The following NPAS3 variants were observed in gnomAD, a reference collection of about 807,000 sequenced individuals.
NPAS3 encodes neuronal PAS domain protein 3, also known as neuronal PAS domain-containing protein 3.
In NPAS3, 14 loss-of-function variants were observed where a neutral mutation model predicts 73.1. The observed-to-expected ratio is 0.19, with a 90% CI of 0.13 to 0.30. The LOEUF is 0.30. NPAS3 is among the 10% of genes least tolerant of loss of function. The pLI is 1.00. For missense variants in NPAS3, 1,096 were observed against 1,250.0 expected, an observed-to-expected ratio of 0.88 and a Z score of 1.86; for synonymous variants, 620 against 541.5, an observed-to-expected ratio of 1.14 and a Z score of -2.01.
intron 1 of NPAS3, among the ~76,000 whole-genome samples, chr14:32,954,657 T>C (rs1346318843): frequency 6.6e-6 from 1 of 152,164 alleles, no homozygotes; most frequent in African/African-American, 2.4e-5. Context: ...AATCCCAGTA[T>C]GAGTCTAGCT....
chr14:33,615,980 A>C (rs17101623), intron 5 of NPAS3, among the ~76,000 whole-genome samples: 3,425 of 152,292 alleles, frequency 0.022, 126 homozygotes, highest in African/African-American at 0.077. Context: ...GATGAGCCCA[A>C]TAGAAAGTCC....
chr14:33,117,592 T>C (rs1340819003), intron 2 of NPAS3, among the ~76,000 whole-genome samples: 1 of 152,146 alleles, frequency 6.6e-6, no homozygotes, highest in South Asian at 2.1e-4. Flanking sequence ...AAAATCAAGA[T>C]CCTTTCTGAA....
intron 2 of NPAS3, among the ~76,000 whole-genome samples, chr14:33,095,148 C>T (rs1024904023): frequency 9.2e-5 from 14 of 152,018 alleles, no homozygotes; most frequent in Non-Finnish European, 1.5e-4. Context: ...TTACAGTCCT[C>T]GAGTTTTAAA....
intron 2 of NPAS3, among the ~76,000 whole-genome samples, chr14:33,148,592 GT>G (rs1269336638): frequency 6.6e-6 from 1 of 152,158 alleles, no homozygotes; most frequent in African/African-American, 2.4e-5. Context: ...AGTAAAATAT[GT>G]TTTTAAAATT....
chr14:33,367,638 G>A (rs1234158578), intron 4 of NPAS3, among the ~76,000 whole-genome samples: 5 of 150,188 alleles, frequency 3.3e-5, no homozygotes, highest in African/African-American at 1.2e-4. Flanking sequence ...GCAAAGTTTT[G>A]TTGTGAAAGT....
chr14:33,163,361 A>AGT, intron 2 of NPAS3, among the ~76,000 whole-genome samples: 1 of 152,240 alleles, frequency 6.6e-6, no homozygotes, highest in East Asian at 1.9e-4. Flanking sequence ...CATGTAAGAT[A>AGT]GCAGAGGTAA....
intron 1 of NPAS3, among the ~76,000 whole-genome samples, chr14:33,004,817 C>CTTTTTTTTTTGTTT (rs2038933508): frequency 1.6e-5 from 1 of 63,998 alleles, no homozygotes; most frequent in Non-Finnish European, 3.5e-5. Context: ...AAAAGTTTTC[C>CTTTTTTTTTTGTTT]TTTTTTTTTT....
intron 3 of NPAS3, among the ~76,000 whole-genome samples, chr14:33,296,225 A>G (rs1242417038): frequency 2.0e-5 from 3 of 152,216 alleles, no homozygotes; most frequent in Admixed American, 6.5e-5. Flanking sequence ...TTTAATTCCT[A>G]TAAGATACTT....
chr14:33,468,535 A>C (rs1489226093), intron 4 of NPAS3, among the ~76,000 whole-genome samples: 1 of 152,208 alleles, frequency 6.6e-6, no homozygotes, highest in Non-Finnish European at 1.5e-5. Flanking sequence ...TCTCTATAAG[A>C]ATCAATCTCA....
chr14:33,157,541 TTAG>T (rs2044691827), intron 2 of NPAS3, among the ~76,000 whole-genome samples: 1 of 152,184 alleles, frequency 6.6e-6, no homozygotes, highest in Admixed American at 6.5e-5. Context: ...ACATTTCCCT[TTAG>T]TAGTATAAAT....
At position 33,738,070 on chromosome 14, in the gene NPAS3, G is replaced by T. The variant is rs58873852; in HGVS notation, c.852+2738G>T. On this transcript the variant is annotated intron_variant, in intron 7 of 11. Transcript: ENST00000356141. ...AAGTACCACTTACTGAACATTGACT[G>T]CGTGGCAGCCACTGTGCCACATGCT... Among the ~76,000 whole-genome samples, 455 of 152,162 alleles carry T rather than the reference G, an allele frequency of 3.0e-3. 4 individuals are homozygous for T. The highest frequency in any genetic ancestry group is 0.01 in the African/African-American group (431 of 41,506).
rs145074925 is a variant in NPAS3, at chr14:33,724,350, A to G, written c.734-10864A>G. Among the ~76,000 whole-genome samples the G allele has an allele frequency of 1.6e-3, 240 of 152,272 alleles. 2 individuals carry two copies. Among genetic ancestry groups the G allele is most frequent in the African/African-American group, 5.3e-3 (220 of 41,576 alleles). ...ATCCTCAATAGAAATAAAAATGCCA[A>G]TTGCCAGGTGCAGCAGCTCATGTCT... On this transcript the variant is annotated intron_variant, in intron 6 of 11. Transcript: ENST00000356141.
chr14:33,402,742 C>A (rs960842908), intron 4 of NPAS3, among the ~76,000 whole-genome samples: 1 of 152,156 alleles, frequency 6.6e-6, no homozygotes, highest in Non-Finnish European at 1.5e-5. Context: ...TGCTTTCCCT[C>A]AATGGGAATT....
intron 3 of NPAS3, among the ~76,000 whole-genome samples, chr14:33,305,861 AACTT>A (rs1453973506): frequency 6.6e-6 from 1 of 152,154 alleles, no homozygotes; most frequent in Non-Finnish European, 1.5e-5. Flanking sequence ...TTTTAAAGAA[AACTT>A]TTACCACTTC....
chr14:33,743,917 T>A lies in NPAS3; in HGVS notation c.852+8585T>A, dbSNP rs1159057633. Among the ~76,000 whole-genome samples, 3 of 152,226 alleles carry A rather than the reference T, an allele frequency of 2.0e-5. No individual in the cohort carries two copies. The East Asian group carries it at 5.8e-4, about 29-fold the overall frequency. On this transcript the variant is annotated intron_variant, in intron 7 of 11. Transcript: ENST00000356141. ...CTGTTTCTTCTGCAACTTCTTCATATCTCTCAGCCTTCATAGAATTGAAGA... is the reference window on the plus strand; with the variant it reads ...CTGTTTCTTCTGCAACTTCTTCATAACTCTCAGCCTTCATAGAATTGAAGA...
Position 33,473,778 on chromosome 14 carries a change from C to T in NPAS3, c.469-86343C>T, listed in dbSNP as rs2050896170. Among the ~76,000 whole-genome samples the T allele has an allele frequency of 3.3e-5, 5 of 152,156 alleles. No individual in the cohort carries two copies. The South Asian group carries it at 1.0e-3, about 32-fold the overall frequency. On this transcript the variant is annotated intron_variant, in intron 4 of 11. Transcript: ENST00000356141. ...TTGTCAAATTATGCAGTTTAGCTTG[C>T]TGCCTGATTTTTTTGTAAAGAAAGT...
intron 2 of NPAS3, among the ~76,000 whole-genome samples, chr14:33,101,984 C>T (rs1281487064): frequency 6.6e-6 from 1 of 152,154 alleles, no homozygotes; most frequent in Non-Finnish European, 1.5e-5. Context: ...CTCTCATACT[C>T]ATGTTGCATC....
At chr14:33,684,451 C>G (rs114948666) in intron 6 of NPAS3, among the ~76,000 whole-genome samples, 1 of 151,970 alleles carries the variant, frequency 6.6e-6, no homozygotes, top group Non-Finnish European at 1.5e-5. Context: ...AGCTGGGACT[C>G]TAGGTGCACA....
At chr14:33,364,661 C>G (rs1375545087) in intron 3 of NPAS3, among the ~76,000 whole-genome samples, 2 of 152,104 alleles carry the variant, frequency 1.3e-5, no homozygotes, top group African/African-American at 4.8e-5. Flanking sequence ...CAAAGAATAA[C>G]TATACAGATA....
Sources: gnomAD v4.1 joint callset for allele counts (sites outside exome capture counted in the v4.1 genomes callset) on GRCh38, gnomAD v4.1.1 for gene constraint, MANE v1.5 for transcripts, NCBI Gene and HGNC (gene_info 2026-07-23, HGNC 2026-07-21) for gene names.